Variants in CDH12 observed in about 807,000 individuals in gnomAD.
The protein encoded by CDH12 is cadherin-12.
In CDH12, 41 loss-of-function variants were observed where a neutral mutation model predicts 74.1. That is an observed-to-expected ratio of 0.55 (90% CI 0.43 to 0.72). The LOEUF (loss-of-function observed/expected upper bound fraction) is 0.72, where lower values mean the gene tolerates loss of function less well. Among genes scored for constraint, CDH12 ranks in the 30% least tolerant of loss-of-function variants. The probability of loss-of-function intolerance (pLI) is 0.00; values close to 1 mark genes in which losing one functional copy is unlikely to be tolerated. For missense variants in CDH12, 945 were observed against 977.2 expected (o/e 0.97, Z 0.44); for synonymous variants, 399 against 355.0 (o/e 1.12, Z -1.39).
At chr5:21,842,376 G>C (rs202018135) in intron 7 of CDH12, 48 bp from the exon 8 acceptor site, 35 of 1,303,648 alleles carry the variant, frequency 2.7e-5, no homozygotes, top group Admixed American at 6.9e-5. Flanking sequence ...CAAATGCTCT[G>C]TTTTCTGAAA....
At chr5:22,296,061 C>G (rs1372237150) in intron 3 of CDH12, among the ~76,000 whole-genome samples, 1 of 151,788 alleles carries the variant, frequency 6.6e-6, no homozygotes, top group African/African-American at 2.4e-5. Flanking sequence ...ATTTAATGGA[C>G]ACTAACTTTA....
chr5:22,205,828 G>C (rs1340281558), intron 4 of CDH12, among the ~76,000 whole-genome samples: 1 of 151,996 alleles, frequency 6.6e-6, no homozygotes, highest in Non-Finnish European at 1.5e-5. Context: ...AAGGGAGACT[G>C]GAGAAGCAAT....
At chr5:22,494,064 G>A (rs1747001163) in intron 2 of CDH12, among the ~76,000 whole-genome samples, 1 of 152,156 alleles carries the variant, frequency 6.6e-6, no homozygotes, top group African/African-American at 2.4e-5. Flanking sequence ...GGCTGTGGTT[G>A]AGAATGAAAG....
At chr5:22,308,251 T>C (rs1738215010) in intron 3 of CDH12, among the ~76,000 whole-genome samples, 1 of 152,152 alleles carries the variant, frequency 6.6e-6, no homozygotes. Context: ...ATTACTATTC[T>C]AGAGTTAAAC....
intron 1 of CDH12, among the ~76,000 whole-genome samples, chr5:22,640,943 G>T (rs1451034082): frequency 6.6e-6 from 1 of 152,128 alleles, no homozygotes; most frequent in Non-Finnish European, 1.5e-5. Context: ...GCCTCCACTT[G>T]AAGTTGTATT....
At chr5:22,820,280 A>G (rs1388817845) in intron 1 of CDH12, among the ~76,000 whole-genome samples, 1 of 151,990 alleles carries the variant, frequency 6.6e-6, no homozygotes, top group African/African-American at 2.4e-5. Context: ...ATGATAAACA[A>G]CACCGATATG....
intron 3 of CDH12, among the ~76,000 whole-genome samples, chr5:22,378,085 A>C (rs1374240473): frequency 6.6e-6 from 1 of 152,138 alleles, no homozygotes; most frequent in African/African-American, 2.4e-5. Flanking sequence ...AACATTATTT[A>C]ATTTTACATG....
At chr5:21,912,579 T>G (rs1753904685) in intron 6 of CDH12, among the ~76,000 whole-genome samples, 1 of 152,080 alleles carries the variant, frequency 6.6e-6, no homozygotes, top group African/African-American at 2.4e-5. Flanking sequence ...CTCCAGATTA[T>G]CTGAAGAAAA....
chr5:22,439,060 A>T (rs1239380437), intron 2 of CDH12, among the ~76,000 whole-genome samples: 1 of 151,922 alleles, frequency 6.6e-6, no homozygotes, highest in South Asian at 2.1e-4. Flanking sequence ...GCACAATGTA[A>T]ATTGAGGATC....
chr5:21,893,990 T>C (rs1753007714), intron 6 of CDH12, among the ~76,000 whole-genome samples: 1 of 152,180 alleles, frequency 6.6e-6, no homozygotes, highest in African/African-American at 2.4e-5. Flanking sequence ...ATTTAACGCC[T>C]GCAAGAGGTG....
chr5:22,097,133 G>GC (rs1743829679), intron 4 of CDH12, among the ~76,000 whole-genome samples: 1 of 152,104 alleles, frequency 6.6e-6, no homozygotes, highest in African/African-American at 2.4e-5. Flanking sequence ...CAGAAATCTG[G>GC]CCACCAGGCC....
chr5:22,444,718 A>G (rs987787441), intron 2 of CDH12, among the ~76,000 whole-genome samples: 3 of 152,106 alleles, frequency 2.0e-5, no homozygotes, highest in Non-Finnish European at 4.4e-5. Context: ...ACTTTTAAAC[A>G]GAAACACATT....
intron 1 of CDH12, among the ~76,000 whole-genome samples, chr5:22,631,536 AG>A (rs528590764): frequency 8.9e-4 from 135 of 152,320 alleles, no homozygotes; most frequent in Admixed American, 4.0e-3. Context: ...GTGCAGGGAC[AG>A]AAACCCAAAT....
At chr5:22,509,720 A>G (rs1736523847) in intron 1 of CDH12, among the ~76,000 whole-genome samples, 2 of 152,142 alleles carry the variant, frequency 1.3e-5, no homozygotes, top group South Asian at 2.1e-4. Flanking sequence ...AAAGAAACAA[A>G]CACAAAAATC....
At chr5:21,847,619 C>G (rs1348306044) in intron 7 of CDH12, among the ~76,000 whole-genome samples, 1 of 152,032 alleles carries the variant, frequency 6.6e-6, no homozygotes, top group East Asian at 1.9e-4. Context: ...TACAAGAACC[C>G]TTGTGATTAC....
At chr5:22,757,394 T>A (rs1222582807) in intron 1 of CDH12, among the ~76,000 whole-genome samples, 1 of 152,216 alleles carries the variant, frequency 6.6e-6, no homozygotes, top group African/African-American at 2.4e-5. Flanking sequence ...TAAAACTTAG[T>A]CTGAGGTGTC....
chr5:22,059,253 CT>C (rs1740985831), intron 5 of CDH12, among the ~76,000 whole-genome samples: 7 of 144,216 alleles, frequency 4.9e-5, no homozygotes, highest in Admixed American at 2.1e-4. Flanking sequence ...TTTCCTTGTA[CT>C]CTATCTATCT....
rs1216834281 is a variant in CDH12, at chr5:22,362,970, C to T, written c.-333+42287G>A. Among the ~76,000 whole-genome samples, 8 of 150,642 alleles carry T rather than the reference C, an allele frequency of 5.3e-5. No individual in the cohort carries two copies. In the South Asian group the frequency reaches 1.1e-3, roughly 20 times the overall value. On this transcript the variant is annotated intron_variant, in intron 3 of 14. Transcript: ENST00000382254. ...GGGGGAGGGATAGCATTAGGAGATA[C>T]ACCTAATGCTAAATGACGAGTTAAT...
intron 3 of CDH12, among the ~76,000 whole-genome samples, chr5:22,367,886 T>C (rs1247698122): frequency 6.6e-6 from 1 of 152,168 alleles, no homozygotes; most frequent in East Asian, 1.9e-4. Context: ...TCCATAAAAA[T>C]AAATATTCCT....
Sources: gnomAD v4.1 joint callset for allele counts (sites outside exome capture counted in the v4.1 genomes callset) on GRCh38, gnomAD v4.1.1 for gene constraint, MANE v1.5 for transcripts, NCBI Gene and HGNC (gene_info 2026-07-23, HGNC 2026-07-21) for gene names.